DMD: variants seen among roughly 807,000 people sequenced by gnomAD.
DMD encodes the protein dystrophin.
A neutral mutation model predicts 330.1 loss-of-function variants in DMD; 63 were observed. The ratio of observed to expected loss-of-function variants is 0.19; its 90% confidence interval spans 0.16 to 0.24. The LOEUF is 0.24. DMD is among the 10% of genes least tolerant of loss of function. The pLI is 1.00. For missense variants in DMD, 3,344 were observed against 2,684.1 expected (o/e 1.25, Z -5.43); for synonymous variants, 1,223 against 959.8 (o/e 1.27, Z -5.07).
intron 2 of DMD, among the ~76,000 whole-genome samples, chrX:32,854,586 AAG>A (rs1557088866): frequency 9.3e-6 from 1 of 107,469 alleles, no homozygotes; most frequent in African/African-American, 3.5e-5. Flanking sequence ...AAAAAAAAAA[AAG>A]AGAAACAATA....
intron 44 of DMD, among the ~76,000 whole-genome samples, chrX:32,027,659 G>A (rs1042715323): frequency 4.5e-5 from 5 of 111,775 alleles, no homozygotes; most frequent in East Asian, 2.8e-4. Flanking sequence ...TCAGATTACC[G>A]TGGCAGCCTC....
rs761539283 is a variant in DMD, at chrX:32,390,415, A to C, written c.4234-234T>G. 2.5e-4 allele frequency among the ~76,000 whole-genome samples: 28 copies of C among 109,825 alleles called. No homozygotes were observed. The South Asian group carries it at 0.012, about 46-fold the overall frequency. Reference sequence around the variant, plus strand: ...TAAATATTTTTTACTTTCATAAATTATCCAAGTGAAACGATTTATTTCTTC... The same window carrying C: ...TAAATATTTTTTACTTTCATAAATTCTCCAAGTGAAACGATTTATTTCTTC... On this transcript the variant is annotated intron_variant, in intron 30 of 78. Coordinates refer to ENST00000357033, the MANE Select transcript of DMD (RefSeq NM_004006.3).
rs752664769 is a variant in DMD at position 31,547,137 on chromosome X, G to T, written c.8218-39684C>A. ...GAAATGTATTGGTGCAGTATGAAAT[G>T]AAGGGGATTTAAATAACATAATAAA... On this transcript the variant is annotated intron_variant, in intron 55 of 78. Transcript: ENST00000357033. 3.6e-5 allele frequency among the ~76,000 whole-genome samples: 4 copies of T among 112,362 alleles called. No homozygotes were observed. The Admixed American group carries it at 3.8e-4, about 11-fold the overall frequency.
Position 31,341,891 on chromosome X carries a change from G to GCGCGCGCGCACGCACACACACACA in DMD, c.9163+6664_9163+6665insTGTGTGTGTGTGCGTGCGCGCGCG, listed in dbSNP as rs374298104. On this transcript the variant is annotated intron_variant, in intron 61 of 78. Coordinates refer to ENST00000357033, the MANE Select transcript of DMD (RefSeq NM_004006.3). ...GGCGTGCGCGCGTGCGTGCGCGCGCGCACACACACACACACACACACACAC... is the reference window on the plus strand; with the variant it reads ...GGCGTGCGCGCGTGCGTGCGCGCGCGCGCGCGCGCACGCACACACACACACACACACACACACACACACACACAC... Among the ~76,000 whole-genome samples the GCGCGCGCGCACGCACACACACACA allele has an allele frequency of 4.0e-5, 4 of 98,876 alleles. No homozygotes were observed. In the South Asian group the frequency reaches 2.0e-3, roughly 50 times the overall value. 85.9% of individuals were successfully genotyped at this position (98,876 alleles called of 115,157 possible). A position where few individuals can be genotyped will look rare whatever the true frequency, so the allele number is the denominator to read the frequency against.
chrX:32,614,272 G>C (rs896778227), intron 12 of DMD, 31 bp downstream of exon 12: 1 of 1,199,470 alleles, frequency 8.3e-7, no homozygotes, highest in Non-Finnish European at 1.1e-6. Context: ...TTGCTTTCTA[G>C]TAGAAAGCAC....
At chrX:32,876,190 A>G (rs183395908) in intron 2 of DMD, among the ~76,000 whole-genome samples, 54 of 111,273 alleles carry the variant, frequency 4.9e-4, no homozygotes, top group African/African-American at 1.7e-3. Context: ...CATCCTCTCA[A>G]TTTTTCAGCC....
chrX:31,266,997 C>A (rs369834837), intron 62 of DMD: 142 of 793,693 alleles, frequency 1.8e-4, no homozygotes, highest in South Asian at 1.6e-3. Flanking sequence ...GCGCTGCGGG[C>A]AGACGGGGCG....
rs754985524 is a variant in DMD at position 32,789,100 on chromosome X, G to A, written c.649+20393C>T. On this transcript the variant is annotated intron_variant, in intron 7 of 78. Coordinates refer to ENST00000357033, the MANE Select transcript of DMD (RefSeq NM_004006.3). ...GTACCATTCTATCACAAACATGTCC[G>A]TGAAGCAATAAATAGAAGAAGGAAT... 1.2e-4 allele frequency among the ~76,000 whole-genome samples: 14 copies of A among 112,154 alleles called. No homozygotes were observed. The South Asian group carries it at 2.2e-3, about 18-fold the overall frequency.
rs745997325 is a variant in DMD, at chrX:33,177,897, G to A, written c.31+33385C>T. Among the ~76,000 whole-genome samples the A allele has an allele frequency of 9.3e-4, 104 of 111,907 alleles. 1 individual carries two copies. The highest frequency in any genetic ancestry group is 4.1e-3 in the South Asian group (11 of 2,694). On this transcript the variant is annotated intron_variant, in intron 1 of 78. Transcript: ENST00000357033. The stretch of plus-strand genomic sequence containing the variant: ...ATATTAAAAATGTATCTGAATTTAT[G>A]ATTTTTAGATAAAGCACTCATAGAG...
At chrX:31,333,783 T>C in intron 61 of DMD, among the ~76,000 whole-genome samples, 1 of 111,159 alleles carries the variant, frequency 9.0e-6, no homozygotes, top group Non-Finnish European at 1.9e-5. Context: ...CCTTCAATTA[T>C]TCTCTCTCGT....
chrX:32,437,479 T>C (rs927077336), intron 29 of DMD, among the ~76,000 whole-genome samples: 1 of 112,055 alleles, frequency 8.9e-6, no homozygotes, highest in Non-Finnish European at 1.9e-5. Flanking sequence ...CCTTATTCTC[T>C]TTTTTCTCTT....
chrX:31,241,112 T>C (rs2048231886), intron 63 of DMD, among the ~76,000 whole-genome samples: 1 of 111,520 alleles, frequency 9.0e-6, no homozygotes, highest in South Asian at 3.8e-4. Flanking sequence ...CTTCTTGTTA[T>C]AAAGTATAAT....
chrX:32,179,260 T>A (rs889449169), intron 44 of DMD, among the ~76,000 whole-genome samples: 2 of 111,156 alleles, frequency 1.8e-5, no homozygotes, highest in African/African-American at 3.3e-5. Context: ...TTCCTAGGTA[T>A]CAGAATTTTC....
At chrX:31,922,139 A>C (rs2094698250) in intron 47 of DMD, among the ~76,000 whole-genome samples, 1 of 111,111 alleles carries the variant, frequency 9.0e-6, no homozygotes, top group African/African-American at 3.3e-5. Flanking sequence ...GGGTCCCACC[A>C]TATACCCTTG....
intron 2 of DMD, among the ~76,000 whole-genome samples, chrX:32,955,181 C>A (rs1431774773): frequency 8.9e-6 from 1 of 111,836 alleles, no homozygotes; most frequent in African/African-American, 3.3e-5. Flanking sequence ...GCTCCTTTTT[C>A]CCCACAACCG....
chrX:32,716,861 C>T (rs1688122460), intron 7 of DMD, among the ~76,000 whole-genome samples: 1 of 111,688 alleles, frequency 9.0e-6, no homozygotes, highest in African/African-American at 3.3e-5. Context: ...TGCCCCTGCT[C>T]TAGGTATGTG....
intron 57 of DMD, among the ~76,000 whole-genome samples, chrX:31,483,071 G>A (rs1057491811): frequency 1.1e-5 from 1 of 91,811 alleles, no homozygotes; most frequent in Non-Finnish European, 2.1e-5. Context: ...TTTTGAGATG[G>A]AGTCTCGCTC....
chrX:33,000,992 C>T (rs188609524), intron 2 of DMD, among the ~76,000 whole-genome samples: 2 of 111,296 alleles, frequency 1.8e-5, no homozygotes, highest in African/African-American at 6.5e-5. Context: ...GCGCTAGGCA[C>T]TCTAATTATT....
At chrX:31,584,739 G>A (rs2076506058) in intron 55 of DMD, among the ~76,000 whole-genome samples, 1 of 111,405 alleles carries the variant, frequency 9.0e-6, no homozygotes. Flanking sequence ...CTAGGTACAG[G>A]TGGAGGGGTG....
Sources: gnomAD v4.1 joint callset for allele counts (sites outside exome capture counted in the v4.1 genomes callset) on GRCh38, gnomAD v4.1.1 for gene constraint, MANE v1.5 for transcripts, NCBI Gene and HGNC (gene_info 2026-07-23, HGNC 2026-07-21) for gene names.